Variants in MGAT4C observed in about 807,000 individuals in gnomAD.
MGAT4C encodes alpha-1,3-mannosyl-glycoprotein 4-beta-N-acetylglucosaminyltransferase C.
MGAT4C carries 19 observed loss-of-function variants against 40.1 expected under a neutral mutation model. The ratio of observed to expected loss-of-function variants is 0.47; its 90% CI spans 0.33 to 0.70. The LOEUF (loss-of-function observed/expected upper bound fraction) is 0.70. MGAT4C is among the 30% of genes least tolerant of loss of function. MGAT4C has a pLI of 0.02. For synonymous variants in MGAT4C, 181 were observed against 187.1 expected (o/e 0.97, Z 0.27); for missense variants, 491 against 563.2 (o/e 0.87, Z 1.30).
intron 2 of MGAT4C, among the ~76,000 whole-genome samples, chr12:86,013,014 C>G (rs12369634): frequency 0.41 from 61,297 of 151,012 alleles, 13,025 homozygotes; most frequent in Middle Eastern, 0.47. Context: ...GTGGTCCTAG[C>G]TACTTGGAAG....
At chr12:86,558,415 G>C (rs115236723) in intron 2 of MGAT4C, among the ~76,000 whole-genome samples, 3 of 152,026 alleles carry the variant, frequency 2.0e-5, no homozygotes, top group Non-Finnish European at 1.5e-5. Flanking sequence ...TAGTCAAATG[G>C]AGAAAAGTCA....
intron 1 of MGAT4C, among the ~76,000 whole-genome samples, chr12:86,796,525 A>G (rs1419046440): frequency 6.6e-6 from 1 of 152,036 alleles, no homozygotes; most frequent in Non-Finnish European, 1.5e-5. Flanking sequence ...TAGAGAGTAG[A>G]CTGATGACTT....
At chr12:86,215,305 G>A (rs370462118) in intron 1 of MGAT4C, among the ~76,000 whole-genome samples, 130 of 152,174 alleles carry the variant, frequency 8.5e-4, no homozygotes, top group Middle Eastern at 3.4e-3. Flanking sequence ...CCATGGCTGC[G>A]TCCATAATCC....
intron 2 of MGAT4C, among the ~76,000 whole-genome samples, chr12:86,645,345 T>C (rs1200108863): frequency 6.6e-6 from 1 of 151,726 alleles, no homozygotes; most frequent in Non-Finnish European, 1.5e-5. Flanking sequence ...ATTACATATA[T>C]GAATTTTAAT....
At chr12:86,382,705 C>T (rs1358144551) in intron 3 of MGAT4C, among the ~76,000 whole-genome samples, 2 of 152,166 alleles carry the variant, frequency 1.3e-5, no homozygotes, top group East Asian at 1.9e-4. Flanking sequence ...GACTTGGTGC[C>T]CTGCATCCTA....
intron 2 of MGAT4C, among the ~76,000 whole-genome samples, chr12:86,608,611 C>G (rs899337605): frequency 6.6e-6 from 1 of 151,802 alleles, no homozygotes; most frequent in East Asian, 1.9e-4. Flanking sequence ...CTTTATAATA[C>G]ATACATATTG....
intron 2 of MGAT4C, among the ~76,000 whole-genome samples, chr12:86,595,888 C>T (rs564069554): frequency 3.8e-4 from 58 of 152,248 alleles, no homozygotes; most frequent in African/African-American, 1.3e-3. Context: ...TCCGGTCAGA[C>T]CATGAACTCC....
intron 2 of MGAT4C, among the ~76,000 whole-genome samples, chr12:85,993,733 G>T (rs971520668): frequency 6.6e-6 from 1 of 152,204 alleles, no homozygotes; most frequent in African/African-American, 2.4e-5. Context: ...TGGGAACCAT[G>T]AGGAAATCCA....
chr12:86,452,675 T>C (rs934335512), intron 2 of MGAT4C, among the ~76,000 whole-genome samples: 8 of 152,008 alleles, frequency 5.3e-5, no homozygotes, highest in African/African-American at 1.9e-4. Flanking sequence ...AATTAAGTAA[T>C]AGCATAGTCA....
chr12:86,334,700 G>A (rs575038788), intron 3 of MGAT4C, among the ~76,000 whole-genome samples: 18 of 152,020 alleles, frequency 1.2e-4, no homozygotes, highest in East Asian at 5.8e-4. Context: ...CTTTATAGCC[G>A]CAATAATTTA....
At chr12:86,709,227 G>C (rs1465553445) in intron 2 of MGAT4C, among the ~76,000 whole-genome samples, 1 of 152,100 alleles carries the variant, frequency 6.6e-6, no homozygotes, top group Non-Finnish European at 1.5e-5. Context: ...GTTCTCTCCT[G>C]CCTGTTGCCA....
chr12:86,770,385 A>G (rs1951610141), intron 1 of MGAT4C, among the ~76,000 whole-genome samples: 1 of 152,094 alleles, frequency 6.6e-6, no homozygotes, highest in African/African-American at 2.4e-5. Flanking sequence ...AGTGACTACT[A>G]AATATTATCT....
intron 1 of MGAT4C, among the ~76,000 whole-genome samples, chr12:86,084,908 T>A (rs1871466909): frequency 6.6e-6 from 1 of 151,960 alleles, no homozygotes; most frequent in South Asian, 2.1e-4. Flanking sequence ...AAGGCCAGTG[T>A]AACCTGAGTA....
At chr12:86,153,174 T>C (rs1473183043) in intron 1 of MGAT4C, among the ~76,000 whole-genome samples, 2 of 152,126 alleles carry the variant, frequency 1.3e-5, no homozygotes, top group African/African-American at 4.8e-5. Flanking sequence ...TTGCCCTCTC[T>C]CAATTCAAAC....
chr12:86,345,867 C>T (rs950160752), intron 3 of MGAT4C, among the ~76,000 whole-genome samples: 1 of 152,196 alleles, frequency 6.6e-6, no homozygotes, highest in African/African-American at 2.4e-5. Context: ...TAAAGTCCCA[C>T]CAACAGTGTA....
At chr12:86,694,120 A>G (rs1950215844) in intron 2 of MGAT4C, among the ~76,000 whole-genome samples, 1 of 152,192 alleles carries the variant, frequency 6.6e-6, no homozygotes, top group Non-Finnish European at 1.5e-5. Context: ...CAAATACATT[A>G]TCATGACCAA....
intron 2 of MGAT4C, among the ~76,000 whole-genome samples, chr12:86,602,009 G>C (rs2136460835): frequency 6.6e-6 from 1 of 152,302 alleles, no homozygotes; most frequent in East Asian, 1.9e-4. Context: ...GCCTGCAGCG[G>C]AAGCCGCGGT....
chr12:86,805,458 C>T (rs1952333464), intron 1 of MGAT4C, among the ~76,000 whole-genome samples: 1 of 151,870 alleles, frequency 6.6e-6, no homozygotes, highest in African/African-American at 2.4e-5. Context: ...ATGAGTGAAA[C>T]ATGTGGTATT....
In MGAT4C at chr12:86,720,984, T is replaced by G. The variant is rs560628958; in HGVS notation, c.-229+6225A>C. ...GCCCTTCCTCATACTCCCACTTACA[T>G]ACTCACATGAAAAAATGGAGGGTAA... On this transcript the variant is annotated intron_variant, in intron 2 of 7. Coordinates refer to the MGAT4C transcript ENST00000548651. 2.6e-5 allele frequency among the ~76,000 whole-genome samples: 4 copies of G among 152,254 alleles called. No individual in the cohort carries two copies. In the South Asian group the frequency reaches 8.3e-4, roughly 32 times the overall value.
Sources: gnomAD v4.1 joint callset for allele counts (sites outside exome capture counted in the v4.1 genomes callset) on GRCh38, gnomAD v4.1.1 for gene constraint, MANE v1.5 for transcripts, NCBI Gene and HGNC (gene_info 2026-07-23, HGNC 2026-07-21) for gene names.